DSTYK: variants seen among roughly 807,000 people sequenced by gnomAD.
DSTYK encodes dual serine/threonine and tyrosine protein kinase.
In DSTYK, 34 loss-of-function variants were observed where a neutral mutation model predicts 98.7. The ratio of observed to expected loss-of-function variants is 0.34; its 90% CI spans 0.26 to 0.46. The LOEUF (loss-of-function observed/expected upper bound fraction) is 0.46. Among genes scored for constraint, DSTYK ranks in the 20% least tolerant of loss-of-function variants. The probability of loss-of-function intolerance (pLI) is 1.00; values close to 1 mark genes in which losing one functional copy is unlikely to be tolerated. For synonymous variants in DSTYK, 462 were observed against 457.3 expected (o/e 1.01, Z -0.13); for missense variants, 962 against 1,181.7 (o/e 0.81, Z 2.73).
chr1:205,203,973 A>G (rs11240385), intron 1 of DSTYK, among the ~76,000 whole-genome samples: 74,807 of 152,028 alleles, frequency 0.49, 21,283 homozygotes, highest in Non-Finnish European at 0.63. Context: ...GATTACCCCC[A>G]GAAAGGAAGA....
chr1:205,192,944 T>C (rs1484311796), intron 1 of DSTYK, among the ~76,000 whole-genome samples: 2 of 152,190 alleles, frequency 1.3e-5, no homozygotes, highest in Non-Finnish European at 2.9e-5. Flanking sequence ...CAGTAGACAA[T>C]GACCCCTACG....
In DSTYK at chr1:205,159,637, T is replaced by C. The variant is rs770207646; in HGVS notation, c.2148A>G (p.Ser716=). 5.6e-5 allele frequency: 91 copies of C among 1,613,716 alleles called. 1 individual carries two copies. The South Asian group carries it at 8.9e-4, about 16-fold the overall frequency. Residue 716 remains serine (S), a synonymous_variant, in exon 9 of 13, where the codon TCA becomes TCG. Coordinates refer to ENST00000367162, the MANE Select transcript of DSTYK (RefSeq NM_015375.3). ...CACCACCATAGTTGTAGTCAATGAC[T>C]GAACCATGGAGATCCACCAATCGCT... ...KHERLVDLHG[S]VIDYNYGGGS...
At chr1:205,192,298 G>A (rs1055694425) in intron 1 of DSTYK, among the ~76,000 whole-genome samples, 4 of 151,940 alleles carry the variant, frequency 2.6e-5, no homozygotes, top group South Asian at 2.1e-4. Flanking sequence ...TTGGGAGGCC[G>A]ACATGGATGG....
rs758360038 is a variant in DSTYK at position 205,181,653 on chromosome 1, G to GGGGTGTGTGTGTGTGTGT, written c.654+5764_654+5765insACACACACACACACACCC. Among the ~76,000 whole-genome samples, 10 of 84,052 alleles carry GGGGTGTGTGTGTGTGTGT rather than the reference G, an allele frequency of 1.2e-4. No individual in the cohort carries two copies. In the East Asian group the frequency reaches 2.3e-3, roughly 19 times the overall value. 55.1% of individuals were successfully genotyped at this position (84,052 alleles called of 152,430 possible). On this transcript the variant is annotated intron_variant, in intron 2 of 12. Coordinates refer to ENST00000367162, the MANE Select transcript of DSTYK (RefSeq NM_015375.3). The stretch of plus-strand genomic sequence containing the variant: ...CACAGATGTGAGCCACAGATGTTGG[G>GGGGTGTGTGTGTGTGTGT]GTTTGTGTGTGTGTGTGTGTGTGTG...
chr1:205,177,469 G>A lies in DSTYK; in HGVS notation c.655-7637C>T, dbSNP rs117851623. Among the ~76,000 whole-genome samples, 60 of 152,220 alleles carry A rather than the reference G, an allele frequency of 3.9e-4. 1 individual carries two copies. The East Asian group carries it at 8.9e-3, about 22-fold the overall frequency. ...GGTTTCTCCTGTTTGTTTTCACACA[G>A]GGCTGATTCTTTTTCATTTCTAAAT... is the stretch of plus-strand genomic sequence containing the variant. On this transcript the variant is annotated intron_variant, in intron 2 of 12. Transcript: ENST00000367162.
At chr1:205,165,705 G>A (rs758118634) in intron 3 of DSTYK, among the ~76,000 whole-genome samples, 1 of 152,146 alleles carries the variant, frequency 6.6e-6, no homozygotes, top group Non-Finnish European at 1.5e-5. Flanking sequence ...TCTTTTTCTT[G>A]AGATATACCC....
intron 5 of DSTYK, 38 bp downstream of exon 5, chr1:205,162,885 A>T: frequency 6.7e-7 from 1 of 1,493,844 alleles, no homozygotes; most frequent in Non-Finnish European, 9.3e-7. Flanking sequence ...TGAGCCAACT[A>T]GGGGCTTTGA....
intron 7 of DSTYK, 84 bp downstream of exon 7, chr1:205,161,174 C>T (rs1558603692): frequency 6.5e-7 from 1 of 1,541,874 alleles, no homozygotes; most frequent in Non-Finnish European, 8.8e-7. Context: ...CAGCTTTAGA[C>T]ACTAGGATTC....
chr1:205,146,925 C>G lies in DSTYK; in HGVS notation c.*633G>C, dbSNP rs1657254996. 6.6e-6 allele frequency: 1 copy of G among 150,782 alleles called. No individual in the cohort carries two copies. Among genetic ancestry groups the G allele is most frequent in the African/African-American group, 2.4e-5 (1 of 40,822 alleles). The allele number at this position is 150,782 out of a possible 1,614,324, so 9.3% of individuals were successfully genotyped here. On this transcript the variant is annotated 3_prime_UTR_variant, in exon 13 of 13. Transcript: ENST00000367162. ...GCCTCTTGGTGATGTAACAGTGAAA[C>G]CCTCCCCCAGAAACCAGGGATATGT...
intron 1 of DSTYK, among the ~76,000 whole-genome samples, chr1:205,200,467 T>C (rs1658996101): frequency 1.3e-5 from 2 of 152,104 alleles, no homozygotes; most frequent in Non-Finnish European, 1.5e-5. Flanking sequence ...AGCCACTGCG[T>C]CCGGCCTCAA....
intron 1 of DSTYK, chr1:205,202,205 A>G (rs1659064508): frequency 3.5e-6 from 2 of 571,048 alleles, no homozygotes; most frequent in Non-Finnish European, 7.0e-6. Context: ...TTCGCTATTC[A>G]CTTGACCCAG....
At position 205,144,681 on chromosome 1, in the gene DSTYK, G is replaced by C. The variant is rs1359181872; in HGVS notation, c.*2877C>G. ...CTTTGGCTGGCCTAGAGACTTTCAA[G>C]AATATTTTGCACCTTTTCTCAAAAT... On this transcript the variant is annotated 3_prime_UTR_variant, in exon 13 of 13. Coordinates refer to ENST00000367162, the MANE Select transcript of DSTYK (RefSeq NM_015375.3). The C allele has an allele frequency of 6.6e-6, 1 of 152,240 alleles. No individual in the cohort carries two copies. Among genetic ancestry groups the C allele is most frequent in the Non-Finnish European group, 1.5e-5 (1 of 68,022 alleles). 9.4% of individuals were successfully genotyped at this position (152,240 alleles called of 1,614,324 possible).
In DSTYK at chr1:205,147,352, C is replaced by A; in HGVS notation, c.*206G>T. 1 of 457,506 alleles carries A rather than the reference C, an allele frequency of 2.2e-6. No homozygotes were observed. The highest frequency in any genetic ancestry group is 3.9e-6 in the Non-Finnish European group (1 of 258,672). The allele number at this position is 457,506 out of a possible 1,614,324, so 28.3% of individuals were successfully genotyped here. A position where few individuals can be genotyped will look rare whatever the true frequency, so the allele number is the denominator to read the frequency against. ...CTTTTTTGCTAAAGGGATAGCTTGG[C>A]GCTTCAGTGAGCTGCTGAATATGCT... On this transcript the variant is annotated 3_prime_UTR_variant, in exon 13 of 13. Coordinates refer to ENST00000367162, the MANE Select transcript of DSTYK (RefSeq NM_015375.3).
In DSTYK at chr1:205,169,738, T is replaced by C. The variant is rs1657999431; in HGVS notation, c.749A>G (p.Tyr250Cys). Reference sequence around the variant, plus strand: ...AGAGAGTTCATCTTTGTGGAGTGCATAGGTTATCACAGGCAAGAAATCATT... The same window carrying C: ...AGAGAGTTCATCTTTGTGGAGTGCACAGGTTATCACAGGCAAGAAATCATT... ...LVNDFLPVIT[Y>C]ALHKDELSER... Residue 250 changes from tyrosine to cysteine, a missense_variant, in exon 3 of 13, where the codon TAT becomes TGT. Transcript: ENST00000367162. This position sits in a 1 kb window ranked among gnomAD's most constrained non-coding sequence, Gnocchi z 4.0. 1.2e-6 allele frequency: 2 copies of C among 1,614,186 alleles called. No individual in the cohort carries two copies. Among genetic ancestry groups the C allele is most frequent in the Non-Finnish European group, 1.7e-6 (2 of 1,180,034 alleles).
rs1430081967 is a variant in DSTYK at position 205,144,311 on chromosome 1, T to A, written c.*3247A>T. ...GACCACAATAAGGGTCATTCTTTCATGCCATCCTTTTTCTTCCTCCAGCCA... is the reference window on the plus strand; with the variant it reads ...GACCACAATAAGGGTCATTCTTTCAAGCCATCCTTTTTCTTCCTCCAGCCA... On this transcript the variant is annotated 3_prime_UTR_variant, in exon 13 of 13. Transcript: ENST00000367162. The A allele has an allele frequency of 6.6e-6, 1 of 152,660 alleles. No homozygotes were observed. Among genetic ancestry groups the A allele is most frequent in the Non-Finnish European group, 1.5e-5 (1 of 68,050 alleles). The allele number at this position is 152,660 out of a possible 1,614,324, so 9.5% of individuals were successfully genotyped here.
intron 1 of DSTYK, among the ~76,000 whole-genome samples, chr1:205,198,834 C>CTT (rs5780273): frequency 1.6e-5 from 2 of 128,202 alleles, no homozygotes; most frequent in Admixed American, 7.7e-5. Flanking sequence ...GGCACTAAAG[C>CTT]TTTTTTTTTT....
At position 205,211,263 on chromosome 1, in the gene DSTYK, C is replaced by T. The variant is rs1000274850; in HGVS notation, c.265+8G>A. ...CTGCCCTCTCTCCCTCCGGGCTGCC[C>T]TCCTTACCCGCCTGCAGCCCGGTTT... On this transcript the variant is annotated splice_region_variant and intron_variant, in intron 1 of 12. Coordinates refer to ENST00000367162, the MANE Select transcript of DSTYK (RefSeq NM_015375.3). 1 of 1,601,416 alleles carries T rather than the reference C, an allele frequency of 6.2e-7. No individual in the cohort carries two copies. Among genetic ancestry groups the T allele is most frequent in the African/African-American group, 1.3e-5 (1 of 74,210 alleles).
At chr1:205,156,574 AC>A (rs1315564621) in intron 10 of DSTYK, among the ~76,000 whole-genome samples, 1 of 152,112 alleles carries the variant, frequency 6.6e-6, no homozygotes, top group Non-Finnish European at 1.5e-5. Flanking sequence ...GGGTGTATTT[AC>A]CCAATGCCTG....
chr1:205,181,866 G>T (rs552343740), intron 2 of DSTYK, among the ~76,000 whole-genome samples: 2 of 151,752 alleles, frequency 1.3e-5, no homozygotes, highest in South Asian at 4.2e-4. Flanking sequence ...TAGAGACGAG[G>T]TCTCACTTTG....
Sources: allele counts gnomAD v4.1 joint callset (sites outside exome capture counted in the v4.1 genomes callset), GRCh38; gene constraint gnomAD v4.1.1; non-coding constraint Gnocchi (gnomAD v3.1); transcripts MANE v1.5; gene names NCBI Gene and HGNC (gene_info 2026-07-23, HGNC 2026-07-21).